The following PFDN1 variants were observed in gnomAD, a reference collection of about 807,000 sequenced individuals.
PFDN1 encodes prefoldin 1.
A neutral mutation model predicts 17.3 loss-of-function variants in PFDN1; 6 were observed. The ratio of observed to expected loss-of-function variants is 0.35; its 90% CI spans 0.19 to 0.69. PFDN1 has a LOEUF of 0.69. PFDN1 is among the 30% of genes least tolerant of loss of function. The probability of loss-of-function intolerance (pLI) is 0.65; values close to 1 mark genes in which losing one functional copy is unlikely to be tolerated. For missense variants in PFDN1, 113 were observed against 146.2 expected (o/e 0.77, Z 1.17); for synonymous variants, 58 against 50.1 (o/e 1.16, Z -0.67).
At position 140,258,139 on chromosome 5, in the gene PFDN1, A is replaced by G. The variant is rs146436922; in HGVS notation, c.286-12082T>C. 5.8e-4 allele frequency among the ~76,000 whole-genome samples: 88 copies of G among 152,304 alleles called. No homozygotes were observed. The East Asian group carries it at 0.016, about 28-fold the overall frequency. On this transcript the variant is annotated intron_variant, in intron 3 of 3. Transcript: ENST00000261813. ...AAGCCATATTAAAGTTCTGGAATTT[A>G]TCTTGAAGGCAATGGAATGCCACTG...
At chr5:140,294,506 G>A (rs1765625118) in intron 2 of PFDN1, among the ~76,000 whole-genome samples, 2 of 151,948 alleles carry the variant, frequency 1.3e-5, no homozygotes, top group South Asian at 4.1e-4. Flanking sequence ...ATAACTAAGG[G>A]AAGCTGCATA....
intron 2 of PFDN1, among the ~76,000 whole-genome samples, chr5:140,287,843 C>T (rs1765520333): frequency 6.6e-6 from 1 of 152,194 alleles, no homozygotes; most frequent in Non-Finnish European, 1.5e-5. Flanking sequence ...AGATATTCAA[C>T]ATCATATGTT....
At chr5:140,246,540 T>C (rs1305825473) in intron 3 of PFDN1, among the ~76,000 whole-genome samples, 1 of 152,202 alleles carries the variant, frequency 6.6e-6, no homozygotes, top group Non-Finnish European at 1.5e-5. Flanking sequence ...GTGAGGGCTG[T>C]GGGGCTGTCT....
chr5:140,300,731 C>A, intron 1 of PFDN1, 149 bp from the exon 2 acceptor site: 1 of 585,024 alleles, frequency 1.7e-6, no homozygotes, highest in Non-Finnish European at 3.0e-6. Context: ...TAACTGTAAA[C>A]AATCAAGTCA....
chr5:140,301,935 T>TA (rs1336626003), intron 1 of PFDN1, among the ~76,000 whole-genome samples: 1 of 152,210 alleles, frequency 6.6e-6, no homozygotes, highest in Non-Finnish European at 1.5e-5. Flanking sequence ...TGTTAAAGAT[T>TA]AGAGACTCCA....
chr5:140,295,178 T>C (rs1331223378), intron 2 of PFDN1, among the ~76,000 whole-genome samples: 1 of 152,130 alleles, frequency 6.6e-6, no homozygotes, highest in Non-Finnish European at 1.5e-5. Context: ...AGGATCATAC[T>C]TATTGTTCAT....
chr5:140,283,257 G>A (rs902865320), intron 2 of PFDN1, among the ~76,000 whole-genome samples: 3 of 151,906 alleles, frequency 2.0e-5, no homozygotes, highest in African/African-American at 4.8e-5. Context: ...TTTTGAGACG[G>A]AGTCTCGCTC....
rs182397386 is a variant in PFDN1, at chr5:140,277,355, C to T, written c.285+4094G>A. Among the ~76,000 whole-genome samples the T allele has an allele frequency of 1.7e-3, 252 of 151,770 alleles. 3 individuals carry two copies. The highest frequency in any genetic ancestry group is 1.9e-3 in the Non-Finnish European group (127 of 67,954). Reference sequence around the variant, plus strand: ...TAAATATGTTATAAAAAGAACTGAACGAGAGAAGGCTGGATATGGTAAAAT... The same window carrying T: ...TAAATATGTTATAAAAAGAACTGAATGAGAGAAGGCTGGATATGGTAAAAT... On this transcript the variant is annotated intron_variant, in intron 3 of 3. Transcript: ENST00000261813.
At chr5:140,302,515 A>G (rs1275441558) in intron 1 of PFDN1, among the ~76,000 whole-genome samples, 1 of 152,066 alleles carries the variant, frequency 6.6e-6, no homozygotes, top group African/African-American at 2.4e-5. Context: ...AAAGAAGTGG[A>G]GGGGGGGCAA....
chr5:140,277,226 CAAAA>C (rs796127129), intron 3 of PFDN1, among the ~76,000 whole-genome samples: 1 of 97,836 alleles, frequency 1.0e-5, no homozygotes, highest in Non-Finnish European at 2.2e-5. Flanking sequence ...AACTCCGTCT[CAAAA>C]AAAAAAAAAA....
At chr5:140,283,086 A>C (rs1231482947) in intron 2 of PFDN1, among the ~76,000 whole-genome samples, 2 of 152,216 alleles carry the variant, frequency 1.3e-5, no homozygotes, top group Non-Finnish European at 2.9e-5. Context: ...CAGACCAAAA[A>C]GGGCAATTAG....
intron 3 of PFDN1, among the ~76,000 whole-genome samples, chr5:140,267,899 C>T (rs558314305): frequency 2.6e-5 from 4 of 152,276 alleles, no homozygotes; most frequent in African/African-American, 9.6e-5. Context: ...ATAACGTTTC[C>T]TGACCTGGAA....
chr5:140,290,696 A>G (rs1028146678), intron 2 of PFDN1, among the ~76,000 whole-genome samples: 29 of 152,214 alleles, frequency 1.9e-4, no homozygotes, highest in African/African-American at 7.0e-4. Context: ...GCAAGAAAGA[A>G]ATTATTTTAG....
At chr5:140,264,368 C>T (rs904877791) in intron 3 of PFDN1, among the ~76,000 whole-genome samples, 1 of 152,216 alleles carries the variant, frequency 6.6e-6, no homozygotes, top group African/African-American at 2.4e-5. Context: ...AAGTGGCAGT[C>T]AGGGTTCAAA....
At chr5:140,277,591 G>A (rs190178605) in intron 3 of PFDN1, among the ~76,000 whole-genome samples, 12 of 152,050 alleles carry the variant, frequency 7.9e-5, no homozygotes, top group East Asian at 7.7e-4. Flanking sequence ...TTAGCCACGC[G>A]TGGTAGCATG....
intron 3 of PFDN1, among the ~76,000 whole-genome samples, chr5:140,267,311 C>T (rs1186347712): frequency 6.6e-6 from 1 of 152,246 alleles, no homozygotes; most frequent in Non-Finnish European, 1.5e-5. Flanking sequence ...CTAACCACCA[C>T]ACTCACTCTC....
intron 2 of PFDN1, among the ~76,000 whole-genome samples, chr5:140,282,514 G>A (rs1765426052): frequency 6.6e-6 from 1 of 151,122 alleles, no homozygotes; most frequent in African/African-American, 2.4e-5. Flanking sequence ...CAAACAAAAA[G>A]CACTGTATAA....
chr5:140,298,287 A>G (rs1765683022), intron 2 of PFDN1, among the ~76,000 whole-genome samples: 1 of 152,138 alleles, frequency 6.6e-6, no homozygotes, highest in Non-Finnish European at 1.5e-5. Context: ...ATGTCATTCC[A>G]AAGTCATTAT....
chr5:140,250,087 A>G (rs543043201), intron 3 of PFDN1, among the ~76,000 whole-genome samples: 2 of 149,770 alleles, frequency 1.3e-5, no homozygotes, highest in Admixed American at 6.6e-5. Context: ...CTCATGACCT[A>G]CTCATCTCCC....
Sources: allele counts gnomAD v4.1 joint callset (sites outside exome capture counted in the v4.1 genomes callset), GRCh38; gene constraint gnomAD v4.1.1; transcripts MANE v1.5; gene names NCBI Gene and HGNC (gene_info 2026-07-23, HGNC 2026-07-21).